The following USP1 variants were observed in gnomAD, a reference collection of about 807,000 sequenced individuals.
USP1 encodes ubiquitin specific peptidase 1.
Under a neutral mutation model 72.2 loss-of-function variants are expected in USP1, and 18 were observed. The ratio of observed to expected loss-of-function variants is 0.25; its 90% CI spans 0.17 to 0.37. The LOEUF (loss-of-function observed/expected upper bound fraction) is 0.37, where lower values mean the gene tolerates loss of function less well. Ranked by LOEUF, USP1 falls within the 10% of genes least tolerant of loss-of-function variation. USP1 has a pLI of 1.00. For missense variants in USP1, 759 were observed against 884.9 expected (o/e 0.86, Z 1.81); for synonymous variants, 354 against 303.7 (o/e 1.17, Z -1.72).
chr1:62,439,115 C>T (rs745834189), intron 1 of USP1, among the ~76,000 whole-genome samples: 25 of 152,190 alleles, frequency 1.6e-4, no homozygotes, highest in Non-Finnish European at 3.1e-4. Context: ...TCCTTTCCTA[C>T]CTTGTACTTG....
chr1:62,445,570 A>T, intron 6 of USP1, 141 bp downstream of exon 6: 1 of 749,314 alleles, frequency 1.3e-6, no homozygotes, highest in Non-Finnish European at 2.1e-6. Context: ...AATGTGAACT[A>T]TGGTGTTTTA....
Position 62,447,646 on chromosome 1 carries a change from C to T in USP1, c.1420+135C>T, listed in dbSNP as rs571806616. The T allele has an allele frequency of 1.4e-5, 12 of 876,442 alleles. No individual in the cohort carries two copies. In the East Asian group the frequency reaches 3.1e-4, roughly 22 times the overall value. 54.3% of individuals were successfully genotyped at this position (876,442 alleles called of 1,614,324 possible). On this transcript the variant is annotated intron_variant, in intron 7 of 8. Coordinates refer to ENST00000339950, the MANE Select transcript of USP1 (RefSeq NM_003368.5). ...TTTAGTGTCTAATGTAACCTTTCTG[C>T]TTATCTGGCTTCACTTATAAATGGT...
Position 62,439,801 on chromosome 1 carries a change from A to G in USP1, c.-67A>G. 7.9e-7 allele frequency: 1 copy of G among 1,265,580 alleles called. No individual in the cohort carries two copies. Among genetic ancestry groups the G allele is most frequent in the Non-Finnish European group, 1.0e-6 (1 of 975,882 alleles). The allele number at this position is 1,265,580 out of a possible 1,614,324, so 78.4% of individuals were successfully genotyped here. On this transcript the variant is annotated splice_region_variant and 5_prime_UTR_variant, in exon 2 of 9. It adds an upstream start codon to the 5' untranslated region. Transcript: ENST00000339950. The stretch of plus-strand genomic sequence containing the variant: ...GAAACTTTCTCTGTGATTAACAGAT[A>G]TAATTGGTGATTACAACTTTCCTCT...
intron 1 of USP1, among the ~76,000 whole-genome samples, chr1:62,439,325 C>T (rs985252268): frequency 4.6e-5 from 7 of 152,136 alleles, no homozygotes; most frequent in Admixed American, 4.6e-4. Context: ...GCTGGGATTA[C>T]AGGCGCCCGC....
rs140826036 is a variant in USP1, at chr1:62,448,139, C to T, written c.1421-326C>T. 4.3e-3 allele frequency among the ~76,000 whole-genome samples: 658 copies of T among 152,226 alleles called. 6 individuals carry two copies. Among genetic ancestry groups the T allele is most frequent in the Middle Eastern group, 0.014 (4 of 294 alleles). ...GAGCCACTGTTGTGTCTAGAGCATA[C>T]CACAAAATATGGAAATACCATAGGA... On this transcript the variant is annotated intron_variant, in intron 7 of 8. Transcript: ENST00000339950.
chr1:62,436,452 G>T (rs1473318524), upstream of USP1: 2 of 152,234 alleles, frequency 1.3e-5, no homozygotes, highest in Non-Finnish European at 2.9e-5. Flanking sequence ...GGGGCACCGC[G>T]CCTGAGGAAC....
At chr1:62,443,412 C>T in intron 5 of USP1, 93 bp downstream of exon 5, 2 of 1,290,630 alleles carry the variant, frequency 1.5e-6, no homozygotes, top group Non-Finnish European at 2.1e-6. Flanking sequence ...GAATAAAGGG[C>T]AAGGAAAGTA....
chr1:62,446,152 TG>T (rs147615667), intron 6 of USP1, among the ~76,000 whole-genome samples: 5,658 of 152,216 alleles, frequency 0.037, 253 homozygotes, highest in African/African-American at 0.11. Flanking sequence ...AACAGGGATA[TG>T]TTCTGAGAAA....
In USP1 at chr1:62,443,254, C is replaced by G; in HGVS notation, c.492C>G (p.Leu164=). The part of the protein sequence containing the change: ...ISVEQLQASF[L]LNPEKYTDEL... ...TTGAACAGCTCCAGGCTAGTTTTCT[C>G]TTAAATCCAGAGAAATATACTGATG... is the stretch of plus-strand genomic sequence containing the variant. The change falls in exon 5 of 9, where the codon CTC becomes CTG. Residue 164 remains leucine (L), a synonymous_variant. Transcript: ENST00000339950. The G allele has an allele frequency of 6.2e-7, 1 of 1,614,056 alleles. No homozygotes were observed. Among genetic ancestry groups the G allele is most frequent in the South Asian group, 1.1e-5 (1 of 91,064 alleles).
intron 3 of USP1, 68 bp from the exon 4 acceptor site, chr1:62,442,127 T>C: frequency 9.4e-7 from 1 of 1,068,858 alleles, no homozygotes. Flanking sequence ...GAAAGCATGA[T>C]GTTGTTTTAA....
chr1:62,437,553 G>T (rs1035964401), intron 1 of USP1, among the ~76,000 whole-genome samples, 153 bp downstream of exon 1: 1 of 152,056 alleles, frequency 6.6e-6, no homozygotes, highest in East Asian at 1.9e-4. Context: ...CGGGCGTGGC[G>T]CCTGTCTTGC....
chr1:62,444,587 TAAG>T (rs1473060080), intron 5 of USP1, 148 bp from the exon 6 acceptor site: 7 of 576,184 alleles, frequency 1.2e-5, no homozygotes, highest in South Asian at 1.1e-4. Flanking sequence ...TAGTTACAGA[TAAG>T]AAATTCCAAA....
Position 62,450,853 on chromosome 1 carries a change from G to C in USP1, c.2230G>C (p.Glu744Gln). The change falls in exon 9 of 9, where the codon GAG (glutamate) becomes CAG (glutamine). Residue 744 changes from glutamate to glutamine, a missense_variant. Physicochemically the swap from Glu to Gln is conservative, Grantham distance 29 (BLOSUM62 2). Coordinates refer to ENST00000339950, the MANE Select transcript of USP1 (RefSeq NM_003368.5). ...SYVVQSLKEY[E>Q]GKWLLFDDSE... ...CGTAGTGCAAAGCTTAAAGGAGTATGAGGGGAAGTGGTTGCTTTTTGATGA... is the reference window on the plus strand; with the variant it reads ...CGTAGTGCAAAGCTTAAAGGAGTATCAGGGGAAGTGGTTGCTTTTTGATGA... 2 of 1,614,098 alleles carry C rather than the reference G, an allele frequency of 1.2e-6. No homozygotes were observed. The highest frequency in any genetic ancestry group is 1.7e-6 in the Non-Finnish European group (2 of 1,179,990).
intron 8 of USP1, among the ~76,000 whole-genome samples, chr1:62,449,241 A>G (rs1645197100): frequency 6.6e-6 from 1 of 152,210 alleles, no homozygotes; most frequent in Non-Finnish European, 1.5e-5. Context: ...AGCAGAATTC[A>G]GTAGAACTGA....
At chr1:62,449,701 CAGG>C (rs1571140695) in intron 8 of USP1, among the ~76,000 whole-genome samples, 1 of 152,134 alleles carries the variant, frequency 6.6e-6, no homozygotes, top group African/African-American at 2.4e-5. Context: ...GGCTTGCACC[CAGG>C]AGTTCAAGAC....
intron 8 of USP1, among the ~76,000 whole-genome samples, chr1:62,449,162 G>A (rs1645196475): frequency 6.6e-6 from 1 of 152,220 alleles, no homozygotes; most frequent in Admixed American, 6.5e-5. Flanking sequence ...GGGATTACAG[G>A]CGTGAGCCAC....
intron 8 of USP1, among the ~76,000 whole-genome samples, chr1:62,449,595 T>C (rs1485842513): frequency 1.3e-5 from 2 of 152,094 alleles, no homozygotes; most frequent in African/African-American, 2.4e-5. Context: ...TCCCAAATTT[T>C]GGTAGAGAAA....
In USP1 at chr1:62,451,004, A is replaced by G. The variant is rs746592813; in HGVS notation, c.*23A>G. On this transcript the variant is annotated 3_prime_UTR_variant, in exon 9 of 9. Transcript: ENST00000339950. ...TAGAGTGAGTGTATTTTCCTTGTGT[A>G]TATATTAAACACACCCATACAAACA... 1.3e-6 allele frequency: 2 copies of G among 1,542,698 alleles called. No individual in the cohort carries two copies. The highest frequency in any genetic ancestry group is 2.1e-5 in the Admixed American group (1 of 48,370).
chr1:62,446,741 A>G (rs1281003449), intron 6 of USP1, among the ~76,000 whole-genome samples: 1 of 152,190 alleles, frequency 6.6e-6, no homozygotes, highest in Non-Finnish European at 1.5e-5. Flanking sequence ...TGTCATCCTT[A>G]TTCTGGGTTT....
Sources: gnomAD v4.1 joint callset for allele counts (sites outside exome capture counted in the v4.1 genomes callset) on GRCh38, gnomAD v4.1.1 for gene constraint, MANE v1.5 for transcripts, NCBI Gene and HGNC (gene_info 2026-07-23, HGNC 2026-07-21) for gene names.